Variants in MTBP observed in about 807,000 individuals in gnomAD.
The protein encoded by MTBP is mdm2-binding protein.
A neutral mutation model predicts 117.0 loss-of-function variants in MTBP; 101 were observed. The observed-to-expected ratio is 0.86, with a 90% CI of 0.73 to 1.02. The LOEUF is 1.02. MTBP is among the 50% of genes least tolerant of loss of function. The pLI is 0.00. For synonymous variants in MTBP, 350 were observed against 351.5 expected, an observed-to-expected ratio of 1.00 and a Z score of 0.05; for missense variants, 970 against 1,030.9, an observed-to-expected ratio of 0.94 and a Z score of 0.81.
At chr8:120,468,205 A>T (rs536209075) in intron 10 of MTBP, among the ~76,000 whole-genome samples, 1 of 152,198 alleles carries the variant, frequency 6.6e-6, no homozygotes, top group South Asian at 2.1e-4. Context: ...TTTGACTTTA[A>T]AAAGATTATG....
In MTBP at chr8:120,456,710, A is replaced by G. The variant is rs1422365585; in HGVS notation, c.747+40A>G. On this transcript the variant is annotated intron_variant, in intron 7 of 21. Transcript: ENST00000305949. ...CACAGTTTGCCAAGTAGGCCTTTCA[A>G]TTTTATTTACAACACAGATATTTAA... 6 of 988,526 alleles carry G rather than the reference A, an allele frequency of 6.1e-6. No individual in the cohort carries two copies. In the African/African-American group the frequency reaches 6.5e-5, roughly 11 times the overall value. 61.2% of individuals were successfully genotyped at this position (988,526 alleles called of 1,614,324 possible).
At chr8:120,478,720 A>G (rs1382095086) in intron 11 of MTBP, among the ~76,000 whole-genome samples, 4 of 152,208 alleles carry the variant, frequency 2.6e-5, no homozygotes, top group African/African-American at 9.6e-5. Context: ...CCTTTTCCAC[A>G]TTCAAATCAC....
In MTBP at chr8:120,523,517, A is replaced by G; in HGVS notation, c.*181A>G. The G allele has an allele frequency of 3.0e-6, 1 of 334,914 alleles. No homozygotes were observed. Among genetic ancestry groups the G allele is most frequent in the Admixed American group, 4.8e-5 (1 of 21,032 alleles). 20.7% of individuals were successfully genotyped at this position (334,914 alleles called of 1,614,324 possible). A position where few individuals can be genotyped will look rare whatever the true frequency, so the allele number is the denominator to read the frequency against. On this transcript the variant is annotated 3_prime_UTR_variant, in exon 22 of 22. Coordinates refer to ENST00000305949, the MANE Select transcript of MTBP (RefSeq NM_022045.5). ...GTATAGTTTGAGGGATGCTATGTTA[A>G]TGTATTTTTAATTAGATACATATTT...
chr8:120,464,818 T>C (rs77571847), intron 10 of MTBP, among the ~76,000 whole-genome samples: 31,531 of 151,952 alleles, frequency 0.21, 3,436 homozygotes, highest in Middle Eastern at 0.26. Context: ...TTATCTTTTA[T>C]CATTTATCCA....
chr8:120,477,060 A>G (rs1304201691), intron 11 of MTBP, among the ~76,000 whole-genome samples: 1 of 152,232 alleles, frequency 6.6e-6, no homozygotes, highest in East Asian at 1.9e-4. Flanking sequence ...AGTTATATAG[A>G]CCAATGGAAC....
At chr8:120,481,882 C>G (rs1276254943) in intron 11 of MTBP, among the ~76,000 whole-genome samples, 1 of 152,034 alleles carries the variant, frequency 6.6e-6, no homozygotes, top group Non-Finnish European at 1.5e-5. Context: ...GTTTATCTCT[C>G]TAGTTTAATG....
chr8:120,470,789 A>G (rs750032926), intron 10 of MTBP, 31 bp from the exon 11 acceptor site: 3 of 1,435,166 alleles, frequency 2.1e-6, no homozygotes, highest in Admixed American at 3.5e-5. Context: ...CTCAATGTGC[A>G]ATCAATAAAA....
At chr8:120,451,128 A>C in intron 3 of MTBP, 43 bp from the exon 4 acceptor site, 2 of 1,581,466 alleles carry the variant, frequency 1.3e-6, no homozygotes, top group Non-Finnish European at 8.6e-7. Context: ...TAATATAAAT[A>C]ATTTCATGAT....
intron 8 of MTBP, 129 bp from the exon 9 acceptor site, chr8:120,461,032 G>C: frequency 3.2e-6 from 2 of 616,750 alleles, no homozygotes; most frequent in Non-Finnish European, 5.7e-6. Context: ...AGGATTAAAT[G>C]CTAGGCATGC....
intron 11 of MTBP, among the ~76,000 whole-genome samples, chr8:120,481,085 C>T (rs1377940109): frequency 6.6e-6 from 1 of 152,094 alleles, no homozygotes; most frequent in African/African-American, 2.4e-5. Context: ...CGAAAAGATG[C>T]CCAACATCAT....
chr8:120,480,387 G>A (rs149182783), intron 11 of MTBP, among the ~76,000 whole-genome samples: 2,931 of 152,184 alleles, frequency 0.019, 95 homozygotes, highest in African/African-American at 0.067. Context: ...TCCAGCCTGG[G>A]CGACAGAGCG....
chr8:120,518,247 G>T (rs928688824), intron 19 of MTBP, 147 bp downstream of exon 19: 1 of 887,694 alleles, frequency 1.1e-6, no homozygotes, highest in Non-Finnish European at 1.6e-6. Context: ...TAGGAAAGTA[G>T]GTGGGGATAT....
chr8:120,490,164 A>G (rs979976963), intron 12 of MTBP, among the ~76,000 whole-genome samples: 12 of 152,152 alleles, frequency 7.9e-5, no homozygotes, highest in Non-Finnish European at 1.5e-4. Context: ...ACCATTCCCT[A>G]TCTGTGATTT....
At chr8:120,504,915 T>G (rs1457250140) in intron 15 of MTBP, among the ~76,000 whole-genome samples, 1 of 152,122 alleles carries the variant, frequency 6.6e-6, no homozygotes, top group East Asian at 1.9e-4. Flanking sequence ...TTGCTCTTGT[T>G]CTTCTGCTGT....
At chr8:120,520,206 A>G (rs1286924163) in intron 20 of MTBP, among the ~76,000 whole-genome samples, 1 of 152,184 alleles carries the variant, frequency 6.6e-6, no homozygotes, top group Non-Finnish European at 1.5e-5. Context: ...CATAAAAACT[A>G]TAATTCTCAT....
Position 120,500,693 on chromosome 8 carries a change from ATAGTT to A in MTBP, c.1610-1796_1610-1792del, listed in dbSNP as rs1444042590. Among the ~76,000 whole-genome samples, 3 of 152,358 alleles carry A rather than the reference ATAGTT, an allele frequency of 2.0e-5. No homozygotes were observed. In the East Asian group the frequency reaches 5.8e-4, roughly 29 times the overall value. On this transcript the variant is annotated intron_variant, in intron 14 of 21. Coordinates refer to ENST00000305949, the MANE Select transcript of MTBP (RefSeq NM_022045.5). ...AATATTTTAAACTATTCAAGGTTAA[ATAGTT>A]TAATAAGTAAAAGGAAAATAAGATG...
At chr8:120,517,324 TAA>T (rs1814936792) in intron 18 of MTBP, among the ~76,000 whole-genome samples, 1 of 152,066 alleles carries the variant, frequency 6.6e-6, no homozygotes, top group African/African-American at 2.4e-5. Flanking sequence ...CAGAAAAGTA[TAA>T]ATATTTAACA....
At chr8:120,506,920 T>C in intron 16 of MTBP, 59 bp downstream of exon 16, 1 of 1,415,012 alleles carries the variant, frequency 7.1e-7, no homozygotes, top group Admixed American at 2.3e-5. Flanking sequence ...TAAATAAAAT[T>C]GTGTCTCATT....
chr8:120,455,515 G>T lies in MTBP; in HGVS notation c.565G>T (p.Ala189Ser), dbSNP rs371357956. ...GAAAGACTATTTACCTACTGTAGGA[G>T]CATTAAAACATTTGAGAGAATGGTA... ...KLKDYLPTVG[A>S]LKHLREWYSA... Residue 189 changes from alanine (A) to serine (S), a missense_variant, in exon 6 of 22, where the codon GCA (alanine) becomes TCA (serine). By Grantham distance (99) the Ala-to-Ser change is moderately conservative (BLOSUM62 1). Coordinates refer to ENST00000305949, the MANE Select transcript of MTBP (RefSeq NM_022045.5). 3.1e-6 allele frequency: 5 copies of T among 1,608,296 alleles called. No individual in the cohort carries two copies. Among genetic ancestry groups the T allele is most frequent in the Middle Eastern group, 1.7e-4 (1 of 6,060 alleles).
Sources: allele counts gnomAD v4.1 joint callset (sites outside exome capture counted in the v4.1 genomes callset), GRCh38; gene constraint gnomAD v4.1.1; transcripts MANE v1.5; gene names NCBI Gene and HGNC (gene_info 2026-07-23, HGNC 2026-07-21).